CDK5RAP2: variants seen among roughly 807,000 people sequenced by gnomAD.
The protein encoded by CDK5RAP2 is CDK5 regulatory subunit-associated protein 2.
Under a neutral mutation model 232.9 loss-of-function variants are expected in CDK5RAP2, and 147 were observed. The observed-to-expected ratio is 0.63, with a 90% CI of 0.55 to 0.72. The LOEUF (loss-of-function observed/expected upper bound fraction) is 0.72. CDK5RAP2 is among the 30% of genes least tolerant of loss of function. The pLI, the probability that CDK5RAP2 is intolerant of heterozygous loss-of-function variation, is 0.00. For synonymous variants in CDK5RAP2, 833 were observed against 833.7 expected (o/e 1.00, Z 0.01); for missense variants, 2,195 against 2,231.5 (o/e 0.98, Z 0.33).
At chr9:120,445,651 T>G (rs1167746195) in intron 22 of CDK5RAP2, among the ~76,000 whole-genome samples, 1 of 152,160 alleles carries the variant, frequency 6.6e-6, no homozygotes, top group African/African-American at 2.4e-5. Context: ...TTACTCAGCT[T>G]CTGGGGAGTC....
intron 12 of CDK5RAP2, among the ~76,000 whole-genome samples, chr9:120,510,418 A>G (rs2040023955): frequency 1.3e-5 from 2 of 152,314 alleles, no homozygotes; most frequent in East Asian, 3.9e-4. Flanking sequence ...GCAATGTCTA[A>G]TATATGTTGC....
In CDK5RAP2 at chr9:120,491,805, C is replaced by G. The variant is rs1293849400; in HGVS notation, c.1312-328G>C. Among the ~76,000 whole-genome samples the G allele has an allele frequency of 9.9e-5, 15 of 152,030 alleles. 1 individual carries two copies. The highest frequency in any genetic ancestry group is 2.2e-4 in the Non-Finnish European group (15 of 67,962). ...AAAACACACACCCACAATTATGAGT[C>G]AAAACAAACCAGAGTATCAAACTGT... is the stretch of plus-strand genomic sequence containing the variant. On this transcript the variant is annotated intron_variant, in intron 12 of 37. Transcript: ENST00000349780.
At chr9:120,412,267 CCTA>C (rs2033896602) in intron 28 of CDK5RAP2, among the ~76,000 whole-genome samples, 1 of 152,208 alleles carries the variant, frequency 6.6e-6, no homozygotes, top group Non-Finnish European at 1.5e-5. Context: ...CAGGAAAGTG[CCTA>C]CTGTGTGCAA....
At chr9:120,447,484 A>G (rs1404152250) in intron 22 of CDK5RAP2, among the ~76,000 whole-genome samples, 2 of 152,222 alleles carry the variant, frequency 1.3e-5, no homozygotes, top group East Asian at 3.8e-4. Flanking sequence ...ACGCAAGGTT[A>G]GTAAGGTTTG....
intron 27 of CDK5RAP2, among the ~76,000 whole-genome samples, chr9:120,417,819 T>TA (rs1398804899): frequency 2.6e-5 from 4 of 152,082 alleles, no homozygotes; most frequent in African/African-American, 9.7e-5. Flanking sequence ...ATCTCTTGCC[T>TA]AGCAGTTCCA....
intron 12 of CDK5RAP2, among the ~76,000 whole-genome samples, chr9:120,510,281 T>C (rs901687086): frequency 6.6e-6 from 1 of 152,206 alleles, no homozygotes; most frequent in Non-Finnish European, 1.5e-5. Flanking sequence ...TTTTGGGCTT[T>C]AGCCAGCAAA....
chr9:120,576,990 T>C (rs1307133373), intron 1 of CDK5RAP2, among the ~76,000 whole-genome samples: 2 of 152,188 alleles, frequency 1.3e-5, no homozygotes, highest in Non-Finnish European at 2.9e-5. Context: ...GAGGACATAA[T>C]GCTAAGTTAA....
intron 12 of CDK5RAP2, among the ~76,000 whole-genome samples, chr9:120,510,529 G>T (rs901653917): frequency 1.2e-4 from 19 of 152,080 alleles, no homozygotes; most frequent in African/African-American, 4.3e-4. Flanking sequence ...CTAAAATAAA[G>T]ATTTCCCTCA....
In CDK5RAP2 at chr9:120,556,265, T is replaced by C. The variant is rs528815990; in HGVS notation, c.196-5363A>G. Among the ~76,000 whole-genome samples the C allele has an allele frequency of 7.7e-4, 117 of 152,332 alleles. 2 individuals are homozygous for C. Among genetic ancestry groups the C allele is most frequent in the Non-Finnish European group, 1.4e-3 (92 of 68,026 alleles). Reference sequence around the variant, plus strand: ...GGTGCATTTTATTTTATGTAAATTATATCTCAATAAAGCTGATTTTTAAAA... The same window carrying C: ...GGTGCATTTTATTTTATGTAAATTACATCTCAATAAAGCTGATTTTTAAAA... On this transcript the variant is annotated intron_variant, in intron 3 of 37. Coordinates refer to ENST00000349780, the MANE Select transcript of CDK5RAP2 (RefSeq NM_018249.6).
intron 25 of CDK5RAP2, among the ~76,000 whole-genome samples, chr9:120,426,966 T>G (rs2034943523): frequency 6.6e-6 from 1 of 152,150 alleles, no homozygotes; most frequent in South Asian, 2.1e-4. Flanking sequence ...CGCCCCCCAC[T>G]TTCCCATCAT....
At chr9:120,455,604 A>G (rs969237896) in intron 20 of CDK5RAP2, among the ~76,000 whole-genome samples, 1 of 151,968 alleles carries the variant, frequency 6.6e-6, no homozygotes, top group Admixed American at 6.6e-5. Flanking sequence ...TTAGCCAGGG[A>G]TGATGGCATG....
At chr9:120,400,527 T>C (rs1441784498) in intron 35 of CDK5RAP2, among the ~76,000 whole-genome samples, 2 of 152,178 alleles carry the variant, frequency 1.3e-5, no homozygotes, top group Non-Finnish European at 2.9e-5. Context: ...GGGATTCTAC[T>C]CAACAAAGAC....
At chr9:120,427,950 A>T (rs925179025) in intron 25 of CDK5RAP2, among the ~76,000 whole-genome samples, 1 of 151,434 alleles carries the variant, frequency 6.6e-6, no homozygotes, top group South Asian at 2.1e-4. Context: ...GGATTAAGAA[A>T]CTCACTCAAA....
intron 25 of CDK5RAP2, among the ~76,000 whole-genome samples, chr9:120,430,605 G>A (rs934169296): frequency 2.0e-5 from 3 of 152,084 alleles, no homozygotes; most frequent in African/African-American, 7.2e-5. Flanking sequence ...TAAAAAGTCA[G>A]GAAACAACAG....
chr9:120,445,935 A>G (rs2036163676), intron 22 of CDK5RAP2, among the ~76,000 whole-genome samples: 1 of 152,100 alleles, frequency 6.6e-6, no homozygotes, highest in Non-Finnish European at 1.5e-5. Flanking sequence ...CAGACCCCTA[A>G]TGTCTCCCTC....
intron 14 of CDK5RAP2, among the ~76,000 whole-genome samples, chr9:120,483,751 G>A (rs1436217716): frequency 6.6e-6 from 1 of 152,204 alleles, no homozygotes; most frequent in East Asian, 1.9e-4. Flanking sequence ...CTGGCATTCT[G>A]ACACCAAAGC....
Position 120,539,180 on chromosome 9 carries a change from CAG to C in CDK5RAP2, c.384-18_384-17del. 6.2e-7 allele frequency: 1 copy of C among 1,613,730 alleles called. No individual in the cohort carries two copies. Among genetic ancestry groups the C allele is most frequent in the Non-Finnish European group, 8.5e-7 (1 of 1,179,750 alleles). On this transcript the variant is annotated splice_polypyrimidine_tract_variant and intron_variant, in intron 5 of 37. Coordinates refer to ENST00000349780, the MANE Select transcript of CDK5RAP2 (RefSeq NM_018249.6). ...AACTGCTTTGCTGCAAAAAGAGGCA[CAG>C]GGGTAAAACATGCAAGGGTGATGGT...
At chr9:120,427,766 G>GCT (rs2035009775) in intron 25 of CDK5RAP2, among the ~76,000 whole-genome samples, 1 of 152,138 alleles carries the variant, frequency 6.6e-6, no homozygotes, top group Admixed American at 6.5e-5. Context: ...GAAATGCAAG[G>GCT]CCTGGCCCAC....
intron 21 of CDK5RAP2, among the ~76,000 whole-genome samples, chr9:120,451,726 C>T (rs2036489491): frequency 6.6e-6 from 1 of 152,070 alleles, no homozygotes; most frequent in Non-Finnish European, 1.5e-5. Flanking sequence ...ATCCCTGTCA[C>T]TCCACTTACC....
Sources: gnomAD v4.1 joint callset for allele counts (sites outside exome capture counted in the v4.1 genomes callset) on GRCh38, gnomAD v4.1.1 for gene constraint, MANE v1.5 for transcripts, NCBI Gene and HGNC (gene_info 2026-07-23, HGNC 2026-07-21) for gene names.